Variants in SGCD observed in about 807,000 individuals in gnomAD.
SGCD encodes the protein sarcoglycan delta, also known as delta-sarcoglycan.
A neutral mutation model predicts 36.6 loss-of-function variants in SGCD; 18 were observed. That is an observed-to-expected ratio of 0.49 (90% CI 0.34 to 0.73). The LOEUF (loss-of-function observed/expected upper bound fraction) is 0.73. SGCD is among the 30% of genes least tolerant of loss of function. The pLI is 0.01. For missense variants in SGCD, 387 were observed against 346.7 expected, an observed-to-expected ratio of 1.12 and a Z score of -0.92; for synonymous variants, 133 against 130.6, an observed-to-expected ratio of 1.02 and a Z score of -0.12.
chr5:156,214,559 A>G (rs1026918797), intron 3 of SGCD, among the ~76,000 whole-genome samples: 8 of 152,064 alleles, frequency 5.3e-5, no homozygotes, highest in Non-Finnish European at 8.8e-5. Flanking sequence ...TACAGATTAA[A>G]TATAATCTCT....
rs548086454 is a variant in SGCD at position 156,101,695 on chromosome 5, A to G, written c.-281-16183A>G. On this transcript the variant is annotated intron_variant, in intron 1 of 9. Coordinates refer to the SGCD transcript ENST00000517913. Reference sequence around the variant, plus strand: ...AGTTCTTTATTGCTTTCTTTGGTATATTTACTATAAGACACTGTAGCTTCT... The same window carrying G: ...AGTTCTTTATTGCTTTCTTTGGTATGTTTACTATAAGACACTGTAGCTTCT... Among the ~76,000 whole-genome samples the G allele has an allele frequency of 8.5e-4, 130 of 152,202 alleles. 1 individual carries two copies. The highest frequency in any genetic ancestry group is 1.4e-3 in the Non-Finnish European group (93 of 68,012).
At chr5:156,083,606 T>C (rs974197268) in intron 1 of SGCD, among the ~76,000 whole-genome samples, 3 of 151,922 alleles carry the variant, frequency 2.0e-5, no homozygotes, top group Non-Finnish European at 4.4e-5. Context: ...ATTTTTTTTT[T>C]TTTTTCCTTT....
rs144183413 is a variant in SGCD, at chr5:156,682,240, T to G, written c.575+34704T>G. On this transcript the variant is annotated intron_variant, in intron 7 of 8. Transcript: ENST00000337851. ...ATAGCTGTGGCCAATTATAGCTGTT[T>G]CCACAACTATAATAGCATAAAATAC... Among the ~76,000 whole-genome samples, 298 of 152,342 alleles carry G rather than the reference T, an allele frequency of 2.0e-3. 2 individuals carry two copies. Among genetic ancestry groups the G allele is most frequent in the Middle Eastern group, 0.014 (4 of 294 alleles).
the SGCD span, among the ~76,000 whole-genome samples, chr5:155,794,322 A>T: frequency 6.6e-6 from 1 of 152,172 alleles, no homozygotes; most frequent in African/African-American, 2.4e-5. Flanking sequence ...GACCAAAAAA[A>T]ATCAAGATTA....
At chr5:156,152,628 A>G (rs183111462) in intron 3 of SGCD, among the ~76,000 whole-genome samples, 3 of 151,802 alleles carry the variant, frequency 2.0e-5, no homozygotes, top group East Asian at 3.9e-4. Flanking sequence ...TACATTTTCA[A>G]TGTTGACTAC....
chr5:156,738,004 A>C (rs932016179), intron 7 of SGCD, among the ~76,000 whole-genome samples: 1 of 152,192 alleles, frequency 6.6e-6, no homozygotes, highest in African/African-American at 2.4e-5. Flanking sequence ...TAAATGAAAA[A>C]TCCAAATAAC....
chr5:156,399,331 A>G (rs915210148), intron 3 of SGCD, among the ~76,000 whole-genome samples: 3 of 152,210 alleles, frequency 2.0e-5, no homozygotes, highest in African/African-American at 7.2e-5. Context: ...AGGATTTTTG[A>G]ATCCATTATA....
Position 156,612,525 on chromosome 5 carries a change from T to C in SGCD, c.502+17474T>C, listed in dbSNP as rs183741279. On this transcript the variant is annotated intron_variant, in intron 6 of 8. Transcript: ENST00000337851. Reference sequence around the variant, plus strand: ...TTCACCAGCAGGCTGACTGTTGGACTGGACATGTGCAGGTACAGCAAGTCA... The same window carrying C: ...TTCACCAGCAGGCTGACTGTTGGACCGGACATGTGCAGGTACAGCAAGTCA... Among the ~76,000 whole-genome samples, 66 of 152,366 alleles carry C rather than the reference T, an allele frequency of 4.3e-4. No homozygotes were observed. The East Asian group carries it at 7.1e-3, about 16-fold the overall frequency.
chr5:156,042,755 A>G (rs1759668239), intron 1 of SGCD, among the ~76,000 whole-genome samples: 1 of 152,168 alleles, frequency 6.6e-6, no homozygotes, highest in Admixed American at 6.6e-5. Flanking sequence ...ACCTGAAAAG[A>G]CATCTCAGAA....
chr5:156,073,360 C>G (rs1306605614), intron 1 of SGCD, among the ~76,000 whole-genome samples: 1 of 152,094 alleles, frequency 6.6e-6, no homozygotes, highest in Non-Finnish European at 1.5e-5. Context: ...GATTTCAAGA[C>G]CAGCCTGGGC....
intron 3 of SGCD, among the ~76,000 whole-genome samples, chr5:156,392,022 A>C (rs561074976): frequency 2.0e-5 from 3 of 152,230 alleles, no homozygotes; most frequent in Admixed American, 2.0e-4. Flanking sequence ...TTCTTTTAGC[A>C]CTACGTATAT....
chr5:156,578,580 C>T (rs1433092890), intron 4 of SGCD, among the ~76,000 whole-genome samples: 2 of 152,272 alleles, frequency 1.3e-5, no homozygotes, highest in East Asian at 3.9e-4. Flanking sequence ...TAATTATTAC[C>T]TCAATTTCAG....
intron 5 of SGCD, among the ~76,000 whole-genome samples, chr5:156,591,513 G>A (rs1367457816): frequency 2.0e-5 from 3 of 152,190 alleles, no homozygotes; most frequent in African/African-American, 7.2e-5. Context: ...TCATGAGGGA[G>A]TGGGGAAGGG....
rs532812325 is a variant in SGCD, at chr5:155,961,715, A to AT, written c.-282+91301dup. Among the ~76,000 whole-genome samples, 57 of 150,686 alleles carry AT rather than the reference A, an allele frequency of 3.8e-4. No homozygotes were observed. The East Asian group carries it at 4.7e-3, about 12-fold the overall frequency. ...AAGGTATTTATGAAACCAAATGTGA[A>AT]TTTTTTTTTTCTTTTTTTACTTTTT... On this transcript the variant is annotated intron_variant, in intron 1 of 9. Coordinates refer to the SGCD transcript ENST00000517913.
the SGCD span, among the ~76,000 whole-genome samples, chr5:155,797,027 A>T: frequency 6.6e-6 from 1 of 152,128 alleles, no homozygotes; most frequent in Non-Finnish European, 1.5e-5. Context: ...CTAATCAAGG[A>T]AGAAAACACC....
the SGCD span, among the ~76,000 whole-genome samples, chr5:155,809,193 G>C: frequency 1.4e-4 from 21 of 152,320 alleles, 1 homozygote; most frequent in African/African-American, 1.4e-4. Context: ...AAGGTGCATA[G>C]TTTCTGTTGT....
chr5:156,240,324 C>T (rs542576405), intron 3 of SGCD, among the ~76,000 whole-genome samples: 1 of 152,194 alleles, frequency 6.6e-6, no homozygotes, highest in South Asian at 2.1e-4. Flanking sequence ...ATAGAATAAG[C>T]TGTTTTCTGT....
At chr5:155,993,624 C>A (rs1758480707) in intron 1 of SGCD, among the ~76,000 whole-genome samples, 1 of 152,170 alleles carries the variant, frequency 6.6e-6, no homozygotes, top group Non-Finnish European at 1.5e-5. Context: ...GGATTACTGG[C>A]ATGAGCCACT....
intron 3 of SGCD, among the ~76,000 whole-genome samples, chr5:156,174,745 A>G (rs1258151572): frequency 2.0e-5 from 3 of 152,240 alleles, no homozygotes; most frequent in Non-Finnish European, 4.4e-5. Flanking sequence ...AGGGGACTTC[A>G]TAGTTGTCTA....
Sources: gnomAD v4.1 joint callset for allele counts (sites outside exome capture counted in the v4.1 genomes callset) on GRCh38, gnomAD v4.1.1 for gene constraint, MANE v1.5 for transcripts, NCBI Gene and HGNC (gene_info 2026-07-23, HGNC 2026-07-21) for gene names.